FRMD3: variants seen among roughly 807,000 people sequenced by gnomAD.
FRMD3 encodes the protein FERM domain containing 3, also known as FERM domain-containing protein 3.
FRMD3 carries 33 observed loss-of-function variants against 70.2 expected under a neutral mutation model. That is an observed-to-expected ratio of 0.47 (90% CI 0.36 to 0.63). The LOEUF is 0.63. Ranked by LOEUF, FRMD3 falls within the 20% of genes least tolerant of loss-of-function variation. FRMD3 has a pLI of 0.00. For missense variants in FRMD3, 632 were observed against 711.4 expected, an observed-to-expected ratio of 0.89 and a Z score of 1.27; for synonymous variants, 279 against 255.9, an observed-to-expected ratio of 1.09 and a Z score of -0.86.
chr9:83,373,190 G>T (rs1478176107), intron 2 of FRMD3, among the ~76,000 whole-genome samples: 1 of 152,210 alleles, frequency 6.6e-6, no homozygotes, highest in South Asian at 2.1e-4. Context: ...CAGTTGCTAG[G>T]AGAGAAGGAC....
At chr9:83,378,859 A>C (rs555605377) in intron 2 of FRMD3, among the ~76,000 whole-genome samples, 1 of 128,330 alleles carries the variant, frequency 7.8e-6, no homozygotes, top group African/African-American at 3.5e-5. Context: ...TTTTATATAA[A>C]TATATATACA....
At chr9:83,514,889 A>G (rs376755377) in intron 1 of FRMD3, among the ~76,000 whole-genome samples, 12 of 152,340 alleles carry the variant, frequency 7.9e-5, no homozygotes, top group Admixed American at 3.9e-4. Flanking sequence ...GTTAGAAGGA[A>G]AACTAACAAA....
chr9:83,321,330 C>T (rs1436958767), intron 6 of FRMD3, among the ~76,000 whole-genome samples: 1 of 151,992 alleles, frequency 6.6e-6, no homozygotes, highest in Non-Finnish European at 1.5e-5. Flanking sequence ...TATAAATTTC[C>T]CTCTTAGCAA....
chr9:83,349,229 A>G (rs1231296141), intron 4 of FRMD3, among the ~76,000 whole-genome samples: 1 of 152,122 alleles, frequency 6.6e-6, no homozygotes, highest in African/African-American at 2.4e-5. Flanking sequence ...GTCTGAGTGG[A>G]GGGAAGCCTG....
intron 4 of FRMD3, among the ~76,000 whole-genome samples, chr9:83,347,152 G>A (rs1823989424): frequency 6.6e-6 from 1 of 152,196 alleles, no homozygotes; most frequent in African/African-American, 2.4e-5. Context: ...AATTTGGCAA[G>A]AGCTTCCTGA....
At position 83,358,489 on chromosome 9, in the gene FRMD3, GGGA is replaced by G. The variant is rs1824477366; in HGVS notation, c.296-8735_296-8733del. ...TGAAGAATGATGGTGGTATTTTGAC[GGGA>G]ATTACACTGAATTTGTAAATTGCCT... On this transcript the variant is annotated intron_variant, in intron 3 of 13. Coordinates refer to ENST00000304195, the MANE Select transcript of FRMD3 (RefSeq NM_174938.6). Among the ~76,000 whole-genome samples the G allele has an allele frequency of 2.6e-5, 4 of 152,012 alleles. No homozygotes were observed. The South Asian group carries it at 8.3e-4, about 31-fold the overall frequency.
At chr9:83,445,773 C>T (rs529982088) in intron 1 of FRMD3, among the ~76,000 whole-genome samples, 1 of 152,246 alleles carries the variant, frequency 6.6e-6, no homozygotes, top group Admixed American at 6.5e-5. Context: ...TTTTCTGAGA[C>T]AAGCAAGCTT....
At chr9:83,282,859 G>T (rs1834023174) in intron 13 of FRMD3, among the ~76,000 whole-genome samples, 1 of 152,142 alleles carries the variant, frequency 6.6e-6, no homozygotes, top group South Asian at 2.1e-4. Flanking sequence ...CACACTATTG[G>T]TGTCTTAAGA....
chr9:83,282,314 G>A (rs1246738440), intron 13 of FRMD3, among the ~76,000 whole-genome samples: 2 of 152,210 alleles, frequency 1.3e-5, no homozygotes, highest in Non-Finnish European at 2.9e-5. Context: ...GTTCAAAAGA[G>A]GCAAAATGGA....
chr9:83,260,962 C>T (rs1485777164), intron 13 of FRMD3, among the ~76,000 whole-genome samples: 2 of 152,086 alleles, frequency 1.3e-5, no homozygotes, highest in East Asian at 3.9e-4. Context: ...TTACTTTCAG[C>T]AATGGACACT....
At chr9:83,487,570 A>T (rs1396020412) in intron 1 of FRMD3, among the ~76,000 whole-genome samples, 5 of 152,226 alleles carry the variant, frequency 3.3e-5, no homozygotes, top group African/African-American at 1.2e-4. Flanking sequence ...AACAGATTTA[A>T]TATAACAAAT....
intron 13 of FRMD3, among the ~76,000 whole-genome samples, chr9:83,250,206 C>T (rs1832335846): frequency 6.6e-6 from 1 of 152,050 alleles, no homozygotes; most frequent in African/African-American, 2.4e-5. Flanking sequence ...GGAGACCCCA[C>T]CCCGACCCCC....
chr9:83,293,860 T>G (rs891626620), intron 12 of FRMD3, among the ~76,000 whole-genome samples: 1 of 152,174 alleles, frequency 6.6e-6, no homozygotes, highest in Admixed American at 6.5e-5. Flanking sequence ...AGAAGAACAT[T>G]TCTTCCCTGA....
chr9:83,518,595 C>A (rs141098366), intron 1 of FRMD3, among the ~76,000 whole-genome samples: 1,961 of 152,172 alleles, frequency 0.013, 38 homozygotes, highest in African/African-American at 0.045. Flanking sequence ...ATGCTACTCC[C>A]ATCAAGCTGC....
intron 5 of FRMD3, 98 bp from the exon 6 acceptor site, chr9:83,335,737 C>G (rs1823556741): frequency 2.0e-6 from 2 of 997,892 alleles, no homozygotes; most frequent in Non-Finnish European, 2.9e-6. Flanking sequence ...AAAGAAGAGG[C>G]TGGAATAAAC....
At chr9:83,361,793 A>G (rs999688588) in intron 3 of FRMD3, among the ~76,000 whole-genome samples, 1 of 152,208 alleles carries the variant, frequency 6.6e-6, no homozygotes. Context: ...CACAGGGCAC[A>G]GAGAAACATA....
intron 13 of FRMD3, among the ~76,000 whole-genome samples, chr9:83,263,537 T>C (rs917815057): frequency 6.6e-6 from 1 of 152,168 alleles, no homozygotes; most frequent in Non-Finnish European, 1.5e-5. Context: ...TCAGGAACAT[T>C]ACAAAGAATT....
rs935222640 is a variant in FRMD3, at chr9:83,343,344, T to C, written c.375-57A>G. On this transcript the variant is annotated intron_variant, in intron 4 of 13. Transcript: ENST00000304195. ...ACTTTTGGCTGAAGTCTGGAAGAAG[T>C]AGGATTGTTCATGCTTAGCTCCCAT... 11 of 1,230,408 alleles carry C rather than the reference T, an allele frequency of 8.9e-6. No homozygotes were observed. In the African/African-American group the frequency reaches 1.0e-4, roughly 12 times the overall value. The allele number at this position is 1,230,408 out of a possible 1,614,324, so 76.2% of individuals were successfully genotyped here.
intron 1 of FRMD3, among the ~76,000 whole-genome samples, chr9:83,395,930 T>G (rs957231526): frequency 3.9e-5 from 6 of 152,166 alleles, no homozygotes; most frequent in Non-Finnish European, 7.3e-5. Context: ...ATAGCTACCT[T>G]TAGGGATGAA....
Sources: allele counts gnomAD v4.1 joint callset (sites outside exome capture counted in the v4.1 genomes callset), GRCh38; gene constraint gnomAD v4.1.1; transcripts MANE v1.5; gene names NCBI Gene and HGNC (gene_info 2026-07-23, HGNC 2026-07-21).